LY6D: variants seen among roughly 807,000 people sequenced by gnomAD.
LY6D encodes lymphocyte antigen 6D.
In LY6D, 7 loss-of-function variants were observed where a neutral mutation model predicts 5.6. The ratio of observed to expected loss-of-function variants is 1.24; its 90% confidence interval spans 0.71 to 2.34. LY6D has a LOEUF of 2.34. Ranked by LOEUF, LY6D falls within the 30% of genes most tolerant of loss-of-function variation. The pLI, the probability that LY6D is intolerant of heterozygous loss-of-function variation, is 0.00. For missense variants in LY6D, 148 were observed against 164.8 expected (o/e 0.90, Z 0.56); for synonymous variants, 81 against 75.0 (o/e 1.08, Z -0.41).
At position 142,785,110 on chromosome 8, in the gene LY6D, G is replaced by T; in HGVS notation, c.*111C>A. On this transcript the variant is annotated 3_prime_UTR_variant, in exon 3 of 3. Coordinates refer to ENST00000301263, the MANE Select transcript of LY6D (RefSeq NM_003695.3). ...CTGGACCTGGTCCCAGACTTTCGGG[G>T]AAGCCCTCAGCCTGGGGCTCCTGGC... 1.2e-6 allele frequency: 1 copy of T among 836,740 alleles called. No individual in the cohort carries two copies. Among genetic ancestry groups the T allele is most frequent in the Non-Finnish European group, 1.8e-6 (1 of 548,380 alleles). The allele number at this position is 836,740 out of a possible 1,614,324, so 51.8% of individuals were successfully genotyped here. A position where few individuals can be genotyped will look rare whatever the true frequency, so the allele number is the denominator to read the frequency against.
Position 142,784,888 on chromosome 8 carries a change from T to A in LY6D, c.*333A>T. The A allele has an allele frequency of 3.2e-6, 1 of 316,464 alleles. No individual in the cohort carries two copies. The highest frequency in any genetic ancestry group is 5.9e-6 in the Non-Finnish European group (1 of 168,502). 19.6% of individuals were successfully genotyped at this position (316,464 alleles called of 1,614,324 possible). A position where few individuals can be genotyped will look rare whatever the true frequency, so the allele number is the denominator to read the frequency against. On this transcript the variant is annotated 3_prime_UTR_variant, in exon 3 of 3. Transcript: ENST00000301263. ...TAGCACAGCCACAGCCACACTGGTT[T>A]AAATCATTTATCTCCATGTAGAGAT...
rs1038201307 is a variant in LY6D at position 142,786,539 on chromosome 8, T to C, written c.-23A>G. The C allele has an allele frequency of 1.3e-6, 2 of 1,505,088 alleles. No homozygotes were observed. Among genetic ancestry groups the C allele is most frequent in the East Asian group, 2.5e-5 (1 of 40,510 alleles). 93.2% of individuals were successfully genotyped at this position (1,505,088 alleles called of 1,614,324 possible). ...CATCTCTGATGTCGTCTGGGAGCAG[T>C]GCGGGCCCCTGCATTGCCAAGGCCT... On this transcript the variant is annotated 5_prime_UTR_variant, in exon 1 of 3. Coordinates refer to ENST00000301263, the MANE Select transcript of LY6D (RefSeq NM_003695.3).
rs375708895 is a variant in LY6D, at chr8:142,785,300, C to T, written c.308G>A (p.Arg103His). ...GAGGGCACTGTGGGCGAGGGCGGTG[C>T]GGGTGGGTGCAGCGTTGTGCAGCTT... ...NEKLHNAAPTRTALAHSALSL... is the reference protein window; with the variant it reads ...NEKLHNAAPTHTALAHSALSL... The change falls in exon 3 of 3, where the codon CGC (arginine) becomes CAC (histidine). Residue 103 changes from arginine (R) to histidine (H), a missense_variant. Arg to His is a conservative substitution (Grantham distance 29). Coordinates refer to ENST00000301263, the MANE Select transcript of LY6D (RefSeq NM_003695.3). The T allele has an allele frequency of 4.0e-5, 65 of 1,613,336 alleles. 1 individual carries two copies. The highest frequency in any genetic ancestry group is 6.7e-5 in the East Asian group (3 of 44,886).
intron 1 of LY6D, chr8:142,786,144 A>G: frequency 8.1e-7 from 1 of 1,232,404 alleles, no homozygotes; most frequent in Non-Finnish European, 1.0e-6. Context: ...GTGCTGGGGG[A>G]GACCTGGGGA....
In LY6D at chr8:142,785,429, T is replaced by C; in HGVS notation, c.179A>G (p.Lys60Arg). 6.2e-7 allele frequency: 1 copy of C among 1,613,020 alleles called. No homozygotes were observed. Among genetic ancestry groups the C allele is most frequent in the African/African-American group, 1.3e-5 (1 of 74,996 alleles). The change falls in exon 3 of 3, where the codon AAG becomes AGG. Residue 60 changes from lysine to arginine, a missense_variant. By Grantham distance (26) the Lys-to-Arg change is conservative. Coordinates refer to ENST00000301263, the MANE Select transcript of LY6D (RefSeq NM_003695.3). ...TVEPLRGNLV[K>R]KDCAESCTPS... ...TGTGCACGACTCCGCACAGTCCTTC[T>C]TCACCAGATTCCCCCTCAGAGGCTC...
Position 142,786,445 on chromosome 8 carries a change from C to G in LY6D, c.52+20G>C, listed in dbSNP as rs771568522. On this transcript the variant is annotated intron_variant, in intron 1 of 2. Coordinates refer to ENST00000301263, the MANE Select transcript of LY6D (RefSeq NM_003695.3). Reference sequence around the variant, plus strand: ...GGCCACAGCCGCCCACCCGCCCGTCCCCTTGGCCCAGCCCCTCACCTGGCC... The same window carrying G: ...GGCCACAGCCGCCCACCCGCCCGTCGCCTTGGCCCAGCCCCTCACCTGGCC... 3.2e-4 allele frequency: 489 copies of G among 1,534,004 alleles called. No homozygotes were observed. Among genetic ancestry groups the G allele is most frequent in the Non-Finnish European group, 3.4e-4 (391 of 1,137,280 alleles).
In LY6D at chr8:142,785,460, G is replaced by A. The variant is rs1427202655; in HGVS notation, c.152-4C>T. 6.2e-7 allele frequency: 1 copy of A among 1,608,982 alleles called. No individual in the cohort carries two copies. The highest frequency in any genetic ancestry group is 1.3e-5 in the African/African-American group (1 of 74,912). On this transcript the variant is annotated splice_region_variant and splice_polypyrimidine_tract_variant and intron_variant, in intron 2 of 2. Coordinates refer to ENST00000301263, the MANE Select transcript of LY6D (RefSeq NM_003695.3). ...AGATTCCCCCTCAGAGGCTCCACTG[G>A]GCACAGGTGAGTGTGGTCAGGCCAG...
rs1181438979 is a variant in LY6D at position 142,784,952 on chromosome 8, G to A, written c.*269C>T. 7 of 488,302 alleles carry A rather than the reference G, an allele frequency of 1.4e-5. No homozygotes were observed. The highest frequency in any genetic ancestry group is 2.2e-5 in the Non-Finnish European group (6 of 274,060). 30.2% of individuals were successfully genotyped at this position (488,302 alleles called of 1,614,324 possible). A position where few individuals can be genotyped will look rare whatever the true frequency, so the allele number is the denominator to read the frequency against. On this transcript the variant is annotated 3_prime_UTR_variant, in exon 3 of 3. Coordinates refer to ENST00000301263, the MANE Select transcript of LY6D (RefSeq NM_003695.3). Reference sequence around the variant, plus strand: ...TAAACGGCAACAAAACAGAAGGAGTGTGAAATCCGGGGATCCACAGGGCTT... The same window carrying A: ...TAAACGGCAACAAAACAGAAGGAGTATGAAATCCGGGGATCCACAGGGCTT...
chr8:142,785,075 C>T lies in LY6D; in HGVS notation c.*146G>A. ...GGGCCTGCTCCAAGTCATCAGCATT[C>T]CATGCCCACCTGGACCTGGTCCCAG... is the stretch of plus-strand genomic sequence containing the variant. On this transcript the variant is annotated 3_prime_UTR_variant, in exon 3 of 3. Transcript: ENST00000301263. The T allele has an allele frequency of 1.5e-6, 1 of 653,286 alleles. No individual in the cohort carries two copies. The highest frequency in any genetic ancestry group is 2.6e-6 in the Non-Finnish European group (1 of 385,568). 40.5% of individuals were successfully genotyped at this position (653,286 alleles called of 1,614,324 possible).
Position 142,786,343 on chromosome 8 carries a change from T to C in LY6D, c.52+122A>G, listed in dbSNP as rs1231551676. 6.3e-6 allele frequency: 9 copies of C among 1,422,666 alleles called. No homozygotes were observed. In the Admixed American group the frequency reaches 2.0e-4, roughly 32 times the overall value. The allele number at this position is 1,422,666 out of a possible 1,614,324, so 88.1% of individuals were successfully genotyped here. A position where few individuals can be genotyped will look rare whatever the true frequency, so the allele number is the denominator to read the frequency against. ...TCCATGTTGTTTTAAATTTGAAGAG[T>C]CTAGCACCCACAGTGTCGGGGTTCT... is the stretch of plus-strand genomic sequence containing the variant. On this transcript the variant is annotated intron_variant, in intron 1 of 2. Coordinates refer to ENST00000301263, the MANE Select transcript of LY6D (RefSeq NM_003695.3).
At position 142,785,051 on chromosome 8, in the gene LY6D, G is replaced by A; in HGVS notation, c.*170C>T. The A allele has an allele frequency of 3.3e-6, 2 of 606,102 alleles. No homozygotes were observed. Among genetic ancestry groups the A allele is most frequent in the East Asian group, 2.8e-5 (1 of 36,180 alleles). The allele number at this position is 606,102 out of a possible 1,614,324, so 37.5% of individuals were successfully genotyped here. A position where few individuals can be genotyped will look rare whatever the true frequency, so the allele number is the denominator to read the frequency against. Reference sequence around the variant, plus strand: ...GCTTCATCCTCTGTGGGGTCTGTGGGGCCTGCTCCAAGTCATCAGCATTCC... The same window carrying A: ...GCTTCATCCTCTGTGGGGTCTGTGGAGCCTGCTCCAAGTCATCAGCATTCC... On this transcript the variant is annotated 3_prime_UTR_variant, in exon 3 of 3. Transcript: ENST00000301263.
chr8:142,786,229 A>G (rs1815653029), intron 1 of LY6D: 2 of 1,344,360 alleles, frequency 1.5e-6, no homozygotes, highest in Non-Finnish European at 1.9e-6. Flanking sequence ...CCCCTGCTCC[A>G]CTCTCTCAGG....
In LY6D at chr8:142,786,499, C is replaced by T; in HGVS notation, c.18G>A (p.Leu6=). The T allele has an allele frequency of 6.5e-7, 1 of 1,548,702 alleles. No individual in the cohort carries two copies. Among genetic ancestry groups the T allele is most frequent in the Non-Finnish European group, 8.7e-7 (1 of 1,145,688 alleles). Residue 6 remains leucine, a synonymous_variant, in exon 1 of 3, where the codon CTG becomes CTA. Coordinates refer to ENST00000301263, the MANE Select transcript of LY6D (RefSeq NM_003695.3). The part of the protein sequence containing the change: MRTAL[L]LLAALAVATG... ...TAGCCACAGCCAGGGCTGCAAGGAG[C>T]AGCAATGCTGTCCTCATCTCTGATG... is the stretch of plus-strand genomic sequence containing the variant.
At chr8:142,786,189 C>A in intron 1 of LY6D, 1 of 1,290,424 alleles carries the variant, frequency 7.7e-7, no homozygotes, top group Non-Finnish European at 9.8e-7. Flanking sequence ...TAGATGGCCG[C>A]TCTCCCAGTG....
chr8:142,784,960 C>A lies in LY6D; in HGVS notation c.*261G>T. On this transcript the variant is annotated 3_prime_UTR_variant, in exon 3 of 3. Coordinates refer to ENST00000301263, the MANE Select transcript of LY6D (RefSeq NM_003695.3). The stretch of plus-strand genomic sequence containing the variant: ...AACAAAACAGAAGGAGTGTGAAATC[C>A]GGGGATCCACAGGGCTTCTGTCCTC... The A allele has an allele frequency of 2.0e-6, 1 of 489,674 alleles. No individual in the cohort carries two copies. The highest frequency in any genetic ancestry group is 3.0e-5 in the East Asian group (1 of 33,320). The allele number at this position is 489,674 out of a possible 1,614,324, so 30.3% of individuals were successfully genotyped here.
rs1231655156 is a variant in LY6D at position 142,786,093 on chromosome 8, A to G, written c.52+372T>C. The G allele has an allele frequency of 3.4e-6, 4 of 1,190,334 alleles. No homozygotes were observed. In the East Asian group the frequency reaches 1.8e-4, roughly 52 times the overall value. 73.7% of individuals were successfully genotyped at this position (1,190,334 alleles called of 1,614,324 possible). A position where few individuals can be genotyped will look rare whatever the true frequency, so the allele number is the denominator to read the frequency against. On this transcript the variant is annotated intron_variant, in intron 1 of 2. Transcript: ENST00000301263. ...CAGCCAGCTTGGCTGCTCTGAGCCTATGACAGGAAGGGCTTGGTGGCCTTT... is the reference window on the plus strand; with the variant it reads ...CAGCCAGCTTGGCTGCTCTGAGCCTGTGACAGGAAGGGCTTGGTGGCCTTT...
chr8:142,785,004 G>A lies in LY6D; in HGVS notation c.*217C>T, dbSNP rs1218501910. On this transcript the variant is annotated 3_prime_UTR_variant, in exon 3 of 3. Coordinates refer to ENST00000301263, the MANE Select transcript of LY6D (RefSeq NM_003695.3). ...TGTCCTCCACCTTCCATGCAGCTGG[G>A]GGCTGCATCCTCTGTGGGGTGGCTT... The A allele has an allele frequency of 8.9e-6, 5 of 559,432 alleles. No homozygotes were observed. The Admixed American group carries it at 1.2e-4, about 14-fold the overall frequency. 34.7% of individuals were successfully genotyped at this position (559,432 alleles called of 1,614,324 possible).
At position 142,785,441 on chromosome 8, in the gene LY6D, C is replaced by A. The variant is rs1815637925; in HGVS notation, c.167G>T (p.Gly56Val). The A allele has an allele frequency of 2.5e-6, 4 of 1,612,460 alleles. No individual in the cohort carries two copies. Among genetic ancestry groups the A allele is most frequent in the Non-Finnish European group, 3.4e-6 (4 of 1,179,270 alleles). The change falls in exon 3 of 3, where the codon GGG (glycine) becomes GTG (valine). Residue 56 changes from glycine to valine, a missense_variant. Transcript: ENST00000301263. ...KTTNTVEPLR[G>V]NLVKKDCAES... The stretch of plus-strand genomic sequence containing the variant: ...CGCACAGTCCTTCTTCACCAGATTC[C>A]CCCTCAGAGGCTCCACTGGGCACAG...
intron 1 of LY6D, chr8:142,785,889 G>T: frequency 7.0e-7 from 1 of 1,420,084 alleles, no homozygotes. Context: ...AGCCTGGGCC[G>T]GCTTGGAAGA....
Sources: allele counts gnomAD v4.1 joint callset, GRCh38; gene constraint gnomAD v4.1.1; transcripts MANE v1.5; gene names NCBI Gene and HGNC (gene_info 2026-07-23, HGNC 2026-07-21).